Variants in HSD17B12 observed in about 807,000 individuals in gnomAD.
HSD17B12 encodes the protein very-long-chain 3-oxoacyl-CoA reductase.
In HSD17B12, 32 loss-of-function variants were observed where a neutral mutation model predicts 39.3. That is an observed-to-expected ratio of 0.81 (90% CI 0.61 to 1.09). The LOEUF is 1.09. Among genes scored for constraint, HSD17B12 ranks in the 50% least tolerant of loss-of-function variants. The pLI is 0.00. For missense variants in HSD17B12, 342 were observed against 382.9 expected, an observed-to-expected ratio of 0.89 and a Z score of 0.89; for synonymous variants, 150 against 146.7, an observed-to-expected ratio of 1.02 and a Z score of -0.16.
At chr11:43,648,573 A>G in the HSD17B12 span, among the ~76,000 whole-genome samples, 1 of 152,214 alleles carries the variant, frequency 6.6e-6, no homozygotes, top group African/African-American at 2.4e-5. Flanking sequence ...TTTTATTAGG[A>G]CAGTATAAGG....
intron 3 of HSD17B12, among the ~76,000 whole-genome samples, chr11:43,766,244 T>C (rs997556892): frequency 3.3e-5 from 5 of 152,244 alleles, no homozygotes; most frequent in African/African-American, 9.6e-5. Flanking sequence ...GACTACTAAT[T>C]AGTAGACAGA....
intron 1 of HSD17B12, among the ~76,000 whole-genome samples, chr11:43,728,056 T>C (rs887386412): frequency 1.7e-4 from 26 of 152,150 alleles, no homozygotes; most frequent in Non-Finnish European, 3.7e-4. Context: ...TGTTTTTTTT[T>C]TGTTTGTTTT....
chr11:43,830,919 CT>C, intron 6 of HSD17B12, 56 bp from the exon 7 acceptor site: 6 of 1,466,428 alleles, frequency 4.1e-6, no homozygotes, highest in South Asian at 2.4e-5. Flanking sequence ...TTTCTTCACT[CT>C]TTTTCTGTTG....
intron 6 of HSD17B12, among the ~76,000 whole-genome samples, chr11:43,826,227 C>A (rs1323308567): frequency 6.6e-6 from 1 of 151,774 alleles, no homozygotes; most frequent in African/African-American, 2.4e-5. Flanking sequence ...GAACTACAGG[C>A]GCCCACCACC....
intron 3 of HSD17B12, among the ~76,000 whole-genome samples, chr11:43,790,681 G>A (rs72892493): frequency 0.045 from 6,878 of 152,264 alleles, 239 homozygotes; most frequent in Middle Eastern, 0.18. Flanking sequence ...TTAGAATGGC[G>A]TGCAATTTAA....
At chr11:43,824,678 G>A (rs1474883319) in intron 6 of HSD17B12, among the ~76,000 whole-genome samples, 1 of 152,182 alleles carries the variant, frequency 6.6e-6, no homozygotes, top group East Asian at 1.9e-4. Context: ...CCATATTGGG[G>A]ATTAGGTTTG....
the HSD17B12 span, among the ~76,000 whole-genome samples, chr11:43,577,265 G>T: frequency 6.6e-6 from 1 of 152,220 alleles, no homozygotes; most frequent in African/African-American, 2.4e-5. Flanking sequence ...GGATGCAGGA[G>T]AGGGATACGG....
chr11:43,604,535 A>G, the HSD17B12 span, among the ~76,000 whole-genome samples: 4,635 of 152,298 alleles, frequency 0.03, 243 homozygotes, highest in African/African-American at 0.1. Context: ...GAAGGCAGCT[A>G]CTGTTGTTAA....
chr11:43,779,750 C>A (rs986356865), intron 3 of HSD17B12, among the ~76,000 whole-genome samples: 2 of 152,120 alleles, frequency 1.3e-5, no homozygotes, highest in Non-Finnish European at 2.9e-5. Context: ...CTTTAATGGG[C>A]CAAAATGAGA....
the HSD17B12 span, among the ~76,000 whole-genome samples, chr11:43,573,792 A>G: frequency 6.6e-6 from 1 of 152,230 alleles, no homozygotes; most frequent in Admixed American, 6.5e-5. Flanking sequence ...ATGCTTACAC[A>G]TACCTAATTT....
chr11:43,623,964 C>T, the HSD17B12 span, among the ~76,000 whole-genome samples: 3 of 151,970 alleles, frequency 2.0e-5, no homozygotes, highest in Non-Finnish European at 4.4e-5. Context: ...ATTTCAAAAA[C>T]GATAGTCCTT....
At chr11:43,582,335 G>A in the HSD17B12 span, among the ~76,000 whole-genome samples, 6 of 152,146 alleles carry the variant, frequency 3.9e-5, no homozygotes, top group Non-Finnish European at 8.8e-5. Context: ...GGGGAGGGGG[G>A]CAAAGCTGCA....
Position 43,781,664 on chromosome 11 carries a change from T to TAC in HSD17B12, c.284-16644_284-16643dup, listed in dbSNP as rs545698633. Among the ~76,000 whole-genome samples the TAC allele has an allele frequency of 6.4e-3, 974 of 152,054 alleles. 11 individuals are homozygous for TAC. Among genetic ancestry groups the TAC allele is most frequent in the African/African-American group, 0.021 (875 of 41,472 alleles). On this transcript the variant is annotated intron_variant, in intron 3 of 10. Transcript: ENST00000278353. ...AAAAATAAATATATATACATATATA[T>TAC]ACACACACACACAGAATATTTTGCC...
At chr11:43,827,987 ATTC>A (rs1212671155) in intron 6 of HSD17B12, among the ~76,000 whole-genome samples, 2 of 152,160 alleles carry the variant, frequency 1.3e-5, no homozygotes, top group East Asian at 3.8e-4. Flanking sequence ...TCCCCTTTAG[ATTC>A]TAGGCATCTA....
chr11:43,844,981 G>GTTGTTTGTTTGTTTGT lies in HSD17B12; in HGVS notation c.684+4927_684+4942dup, dbSNP rs71308376. On this transcript the variant is annotated intron_variant, in intron 9 of 10. Transcript: ENST00000278353. ...AGTGTGTACTTCTGAAAAATAAGGG[G>GTTGTTTGTTTGTTTGT]TTGTTTGTTTGTTTGTTTGTTTGTT... Among the ~76,000 whole-genome samples, 13 of 151,248 alleles carry GTTGTTTGTTTGTTTGT rather than the reference G, an allele frequency of 8.6e-5. No individual in the cohort carries two copies. In the East Asian group the frequency reaches 2.6e-3, roughly 30 times the overall value.
intron 3 of HSD17B12, among the ~76,000 whole-genome samples, chr11:43,785,915 G>A (rs906835257): frequency 2.6e-5 from 4 of 152,250 alleles, no homozygotes; most frequent in East Asian, 1.9e-4. Context: ...CAGTATCAAA[G>A]ATAATCACAA....
chr11:43,821,882 C>G (rs796385071), intron 6 of HSD17B12, among the ~76,000 whole-genome samples: 3 of 152,128 alleles, frequency 2.0e-5, no homozygotes, highest in African/African-American at 7.2e-5. Flanking sequence ...CTTTTTTATT[C>G]GCAATTTTCA....
At chr11:43,825,761 A>G (rs1026468749) in intron 6 of HSD17B12, among the ~76,000 whole-genome samples, 2 of 152,250 alleles carry the variant, frequency 1.3e-5, no homozygotes, top group Non-Finnish European at 2.9e-5. Context: ...AGGCATAACT[A>G]CAAAATGATG....
At chr11:43,728,836 T>C (rs1950243652) in intron 1 of HSD17B12, among the ~76,000 whole-genome samples, 1 of 152,216 alleles carries the variant, frequency 6.6e-6, no homozygotes, top group Non-Finnish European at 1.5e-5. Flanking sequence ...GTCACCATTC[T>C]TTGGTGCCAT....
Sources: gnomAD v4.1 joint callset for allele counts (sites outside exome capture counted in the v4.1 genomes callset) on GRCh38, gnomAD v4.1.1 for gene constraint, MANE v1.5 for transcripts, NCBI Gene and HGNC (gene_info 2026-07-23, HGNC 2026-07-21) for gene names.